The following GPC5 variants were observed in gnomAD, a reference collection of about 807,000 sequenced individuals.
GPC5 encodes the protein glypican-5.
Under a neutral mutation model 53.9 loss-of-function variants are expected in GPC5, and 47 were observed. The ratio of observed to expected loss-of-function variants is 0.87; its 90% CI spans 0.69 to 1.11. GPC5 has a LOEUF of 1.11. Among genes scored for constraint, GPC5 ranks in the 50% most tolerant of loss-of-function variants. The pLI is 0.00. For synonymous variants in GPC5, 286 were observed against 263.3 expected, an observed-to-expected ratio of 1.09 and a Z score of -0.84; for missense variants, 748 against 713.1, an observed-to-expected ratio of 1.05 and a Z score of -0.56.
chr13:92,567,562 T>C (rs978050228), intron 7 of GPC5, among the ~76,000 whole-genome samples: 2 of 152,154 alleles, frequency 1.3e-5, no homozygotes, highest in African/African-American at 4.8e-5. Context: ...GGGCTTAATG[T>C]AACCAAAAGG....
At chr13:92,299,045 A>G (rs564345670) in intron 7 of GPC5, among the ~76,000 whole-genome samples, 2 of 152,322 alleles carry the variant, frequency 1.3e-5, no homozygotes, top group South Asian at 4.1e-4. Context: ...CCATAGTTAG[A>G]GAAAATTTTA....
intron 7 of GPC5, among the ~76,000 whole-genome samples, chr13:92,765,940 A>G (rs557361213): frequency 4.6e-4 from 70 of 152,202 alleles, no homozygotes; most frequent in Non-Finnish European, 9.0e-4. Flanking sequence ...ATATAGGTCT[A>G]CTAATGAGAA....
intron 5 of GPC5, among the ~76,000 whole-genome samples, chr13:91,784,185 A>G (rs1024225346): frequency 6.6e-6 from 1 of 152,234 alleles, no homozygotes; most frequent in African/African-American, 2.4e-5. Flanking sequence ...AAAATGGACA[A>G]TCCTGATAGT....
At chr13:92,317,257 T>C (rs993287305) in intron 7 of GPC5, among the ~76,000 whole-genome samples, 7 of 152,058 alleles carry the variant, frequency 4.6e-5, no homozygotes, top group African/African-American at 1.7e-4. Flanking sequence ...GACCCTAGTG[T>C]CCAGGGGCCA....
chr13:92,792,511 A>G (rs371027712), intron 7 of GPC5, among the ~76,000 whole-genome samples: 18 of 152,172 alleles, frequency 1.2e-4, no homozygotes, highest in African/African-American at 4.1e-4. Flanking sequence ...AGCTAACATC[A>G]TAATGACAGG....
At chr13:92,751,254 C>A (rs997903309) in intron 7 of GPC5, among the ~76,000 whole-genome samples, 3 of 122,070 alleles carry the variant, frequency 2.5e-5, no homozygotes, top group Admixed American at 1.0e-4. Flanking sequence ...TGAAAAGGTA[C>A]CTACGTAAGA....
intron 7 of GPC5, among the ~76,000 whole-genome samples, chr13:92,487,099 G>T (rs1323571549): frequency 3.3e-5 from 5 of 152,054 alleles, no homozygotes; most frequent in Non-Finnish European, 7.4e-5. Flanking sequence ...CAGGTGATCT[G>T]CCTGCCTCAG....
chr13:92,288,324 A>G (rs1252756418), intron 7 of GPC5, among the ~76,000 whole-genome samples: 1 of 152,032 alleles, frequency 6.6e-6, no homozygotes, highest in Non-Finnish European at 1.5e-5. Flanking sequence ...GTTTTATAGT[A>G]TTTTTGTTAG....
At chr13:91,573,649 T>C (rs1236000571) in intron 2 of GPC5, among the ~76,000 whole-genome samples, 1 of 152,182 alleles carries the variant, frequency 6.6e-6, no homozygotes, top group Admixed American at 6.6e-5. Flanking sequence ...AAATTTTATA[T>C]TGATAATTTT....
chr13:92,863,286 CTT>C (rs1879238903), intron 7 of GPC5, among the ~76,000 whole-genome samples: 1 of 152,148 alleles, frequency 6.6e-6, no homozygotes, highest in South Asian at 2.1e-4. Flanking sequence ...GGTCACTTAA[CTT>C]TCTAGTGCCT....
At position 91,398,975 on chromosome 13, in the gene GPC5, G is replaced by A. The variant is rs1055504711; in HGVS notation, c.-72G>A. Reference sequence around the variant, plus strand: ...GAGCCTCGGCCGCTGTGTCTTCCACGTCTGCAGCTCAGCCAGGGCGCGCAG... The same window carrying A: ...GAGCCTCGGCCGCTGTGTCTTCCACATCTGCAGCTCAGCCAGGGCGCGCAG... On this transcript the variant is annotated 5_prime_UTR_variant, in exon 1 of 8. Transcript: ENST00000377067. 1.8e-5 allele frequency: 27 copies of A among 1,494,312 alleles called. No homozygotes were observed. Among genetic ancestry groups the A allele is most frequent in the South Asian group, 3.9e-5 (3 of 77,188 alleles). The allele number at this position is 1,494,312 out of a possible 1,614,324, so 92.6% of individuals were successfully genotyped here. A position where few individuals can be genotyped will look rare whatever the true frequency, so the allele number is the denominator to read the frequency against.
At chr13:91,995,868 G>A (rs1039035911) in intron 6 of GPC5, 1 of 152,052 alleles carries the variant, frequency 6.6e-6, no homozygotes, top group Non-Finnish European at 1.5e-5. Context: ...AGGCATTTTA[G>A]GTCTCTGGTT....
At chr13:92,153,338 G>A (rs1409375243) in intron 7 of GPC5, among the ~76,000 whole-genome samples, 5 of 151,942 alleles carry the variant, frequency 3.3e-5, no homozygotes, top group African/African-American at 7.3e-5. Flanking sequence ...GGGTTTCACC[G>A]TGTTGGCTAG....
At chr13:91,825,720 T>C (rs2138843941) in intron 5 of GPC5, among the ~76,000 whole-genome samples, 1 of 152,180 alleles carries the variant, frequency 6.6e-6, no homozygotes, top group African/African-American at 2.4e-5. Context: ...TGATACCAGT[T>C]GGCTGGAACT....
At chr13:92,340,994 G>A (rs988101171) in intron 7 of GPC5, among the ~76,000 whole-genome samples, 4 of 151,968 alleles carry the variant, frequency 2.6e-5, no homozygotes, top group Non-Finnish European at 5.9e-5. Flanking sequence ...TTTCAAAATT[G>A]CATTTGCTTA....
chr13:92,417,560 T>C (rs1876366929), intron 7 of GPC5, among the ~76,000 whole-genome samples: 1 of 152,166 alleles, frequency 6.6e-6, no homozygotes, highest in African/African-American at 2.4e-5. Flanking sequence ...GTAAGATTAT[T>C]CATAATTGCT....
chr13:92,312,029 T>G (rs6492597), intron 7 of GPC5, among the ~76,000 whole-genome samples: 5 of 151,894 alleles, frequency 3.3e-5, no homozygotes, highest in Non-Finnish European at 7.4e-5. Context: ...AAGTCAGATG[T>G]TATAGGAACA....
At chr13:91,768,461 C>T (rs1294912594) in intron 5 of GPC5, among the ~76,000 whole-genome samples, 1 of 152,132 alleles carries the variant, frequency 6.6e-6, no homozygotes, top group Non-Finnish European at 1.5e-5. Flanking sequence ...AAAGATCAAA[C>T]TCTGAAAGTA....
intron 7 of GPC5, among the ~76,000 whole-genome samples, chr13:92,846,040 G>T (rs989849093): frequency 6.6e-6 from 1 of 152,194 alleles, no homozygotes; most frequent in Middle Eastern, 3.4e-3. Flanking sequence ...TGAACTGCCC[G>T]AGACTGGGTA....
Sources: gnomAD v4.1 joint callset for allele counts (sites outside exome capture counted in the v4.1 genomes callset) on GRCh38, gnomAD v4.1.1 for gene constraint, MANE v1.5 for transcripts, NCBI Gene and HGNC (gene_info 2026-07-23, HGNC 2026-07-21) for gene names.